The following TMEM177 variants were observed in gnomAD, a reference collection of about 807,000 sequenced individuals.
The protein encoded by TMEM177 is transmembrane protein 177.
A neutral mutation model predicts 14.2 loss-of-function variants in TMEM177; 4 were observed. The ratio of observed to expected loss-of-function variants is 0.28; its 90% CI spans 0.14 to 0.64. The LOEUF is 0.64. TMEM177 is among the 30% of genes least tolerant of loss of function. The pLI, the probability that TMEM177 is intolerant of heterozygous loss-of-function variation, is 0.82. For missense variants in TMEM177, 344 were observed against 405.2 expected (o/e 0.85, Z 1.30); for synonymous variants, 179 against 174.5 (o/e 1.03, Z -0.20).
the TMEM177 span, among the ~76,000 whole-genome samples, chr2:119,704,212 G>A: frequency 6.6e-6 from 1 of 152,206 alleles, no homozygotes; most frequent in African/African-American, 2.4e-5. Context: ...CAAAGGAAGT[G>A]AAGAAGGTAC....
the TMEM177 span, among the ~76,000 whole-genome samples, chr2:119,698,083 G>A: frequency 1.3e-5 from 2 of 152,156 alleles, no homozygotes; most frequent in Admixed American, 6.5e-5. Context: ...GAAGGTGAGG[G>A]CAGAACTTCA....
At chr2:119,689,370 TAGG>T, downstream of TMEM177, among the ~76,000 whole-genome samples, 1 of 152,114 alleles carries the variant, frequency 6.6e-6, no homozygotes, top group East Asian at 1.9e-4. Flanking sequence ...TGAGGGAGCA[TAGG>T]AGGAGGGCAG....
chr2:119,703,917 A>G, the TMEM177 span, among the ~76,000 whole-genome samples: 1 of 152,192 alleles, frequency 6.6e-6, no homozygotes, highest in Non-Finnish European at 1.5e-5. Context: ...AAACTTGTCC[A>G]CATCTCTGTA....
At chr2:119,722,781 C>T in the TMEM177 span, among the ~76,000 whole-genome samples, 5 of 152,192 alleles carry the variant, frequency 3.3e-5, no homozygotes, top group Admixed American at 6.5e-5. Flanking sequence ...CAGTGCTTGC[C>T]GGGCATGGTG....
the TMEM177 span, among the ~76,000 whole-genome samples, chr2:119,693,939 CAA>C: frequency 0.011 from 16 of 1,422 alleles, 1 homozygote; most frequent in African/African-American, 0.022. Flanking sequence ...ACACATCACA[CAA>C]GCCACACACA....
downstream of TMEM177, among the ~76,000 whole-genome samples, chr2:119,685,451 T>C (rs1347526114): frequency 2.0e-5 from 3 of 151,986 alleles, no homozygotes; most frequent in African/African-American, 7.2e-5. Context: ...TCCCCATGTG[T>C]GTGTAGATCA....
chr2:119,721,168 A>G, the TMEM177 span, among the ~76,000 whole-genome samples: 1 of 152,212 alleles, frequency 6.6e-6, no homozygotes, highest in African/African-American at 2.4e-5. Context: ...AAGACCAACC[A>G]CGTAATTAGA....
chr2:119,684,268 G>C (rs374933061), downstream of TMEM177, among the ~76,000 whole-genome samples: 1 of 152,140 alleles, frequency 6.6e-6, no homozygotes, highest in South Asian at 2.1e-4. Context: ...AGCCTGCCCG[G>C]TGCTCAGTTA....
the TMEM177 span, among the ~76,000 whole-genome samples, chr2:119,697,602 AT>A: frequency 1.1e-4 from 16 of 152,144 alleles, no homozygotes; most frequent in African/African-American, 3.9e-4. Flanking sequence ...ATATTTGCAC[AT>A]GTTGTTCCCT....
chr2:119,700,046 C>A, the TMEM177 span: 2 of 285,230 alleles, frequency 7.0e-6, no homozygotes, highest in South Asian at 1.0e-4. Flanking sequence ...ACATCGAGAT[C>A]ATCCTTACTG....
At chr2:119,699,855 C>G in the TMEM177 span, 2 of 414,926 alleles carry the variant, frequency 4.8e-6, no homozygotes, top group East Asian at 6.7e-5. Context: ...GTCAGTGGTC[C>G]AAAAAGAGTG....
Position 119,681,625 on chromosome 2 carries a change from C to A in TMEM177, c.772C>A (p.Leu258Met). ...EFYEKLLSGN[L>M]ALRSLLGKDG... ...CTATGAGAAGCTTCTGTCGGGCAAC[C>A]TGGCCCTGCGCAGTCTCTTGGGCAA... The change falls in exon 2 of 2, where the codon CTG becomes ATG. Residue 258 changes from leucine (L) to methionine (M), a missense_variant. Coordinates refer to ENST00000272521, the MANE Select transcript of TMEM177 (RefSeq NM_030577.3). The A allele has an allele frequency of 6.2e-7, 1 of 1,614,266 alleles. No individual in the cohort carries two copies. Among genetic ancestry groups the A allele is most frequent in the Non-Finnish European group, 8.5e-7 (1 of 1,180,048 alleles).
the TMEM177 span, among the ~76,000 whole-genome samples, chr2:119,722,559 A>G: frequency 1.3e-5 from 2 of 152,238 alleles, no homozygotes; most frequent in Non-Finnish European, 2.9e-5. Flanking sequence ...ATCTGTAAAA[A>G]AGAGGTAACA....
chr2:119,706,184 C>G, the TMEM177 span, among the ~76,000 whole-genome samples: 1 of 151,892 alleles, frequency 6.6e-6, no homozygotes, highest in Non-Finnish European at 1.5e-5. Context: ...CCACCACGCC[C>G]GGCTACTTTT....
At chr2:119,702,006 A>G in the TMEM177 span, among the ~76,000 whole-genome samples, 3 of 152,162 alleles carry the variant, frequency 2.0e-5, no homozygotes, top group Admixed American at 2.0e-4. Context: ...TACAGTAGTG[A>G]TGTTATCCTC....
downstream of TMEM177, among the ~76,000 whole-genome samples, chr2:119,685,067 C>T (rs1377943630): frequency 6.6e-6 from 1 of 152,112 alleles, no homozygotes; most frequent in Non-Finnish European, 1.5e-5. Context: ...CTGGCTTAGG[C>T]CTCGCCTCTC....
At chr2:119,722,437 A>G in the TMEM177 span, among the ~76,000 whole-genome samples, 3 of 152,062 alleles carry the variant, frequency 2.0e-5, no homozygotes, top group Non-Finnish European at 4.4e-5. Context: ...AAAATAAATA[A>G]TGGAAGTTAG....
the TMEM177 span, among the ~76,000 whole-genome samples, chr2:119,697,207 G>A: frequency 2.0e-5 from 3 of 152,184 alleles, no homozygotes; most frequent in African/African-American, 7.2e-5. Flanking sequence ...GCAGGGTCAG[G>A]GTCTGCCTCC....
downstream of TMEM177, among the ~76,000 whole-genome samples, chr2:119,687,682 C>G (rs1320764808): frequency 1.3e-5 from 2 of 152,114 alleles, no homozygotes; most frequent in Non-Finnish European, 2.9e-5. Flanking sequence ...GGTGGGGACA[C>G]AAAGCCAAAT....
Sources: allele counts gnomAD v4.1 joint callset (sites outside exome capture counted in the v4.1 genomes callset), GRCh38; gene constraint gnomAD v4.1.1; transcripts MANE v1.5; gene names NCBI Gene and HGNC (gene_info 2026-07-23, HGNC 2026-07-21).